CEP128: variants seen among roughly 807,000 people sequenced by gnomAD.
CEP128 encodes the protein centrosomal protein 128kDa.
In CEP128, 132 loss-of-function variants were observed where a neutral mutation model predicts 156.7. The ratio of observed to expected loss-of-function variants is 0.84; its 90% CI spans 0.73 to 0.97. The LOEUF (loss-of-function observed/expected upper bound fraction) is 0.97, where lower values mean the gene tolerates loss of function less well. CEP128 is among the 50% of genes least tolerant of loss of function. The probability of loss-of-function intolerance (pLI) is 0.00; values close to 1 mark genes in which losing one functional copy is unlikely to be tolerated. For synonymous variants in CEP128, 469 were observed against 448.9 expected (o/e 1.04, Z -0.57); for missense variants, 1,252 against 1,281.9 (o/e 0.98, Z 0.36).
intron 19 of CEP128, among the ~76,000 whole-genome samples, chr14:80,707,300 C>A (rs1362312108): frequency 6.6e-6 from 1 of 152,108 alleles, no homozygotes; most frequent in Admixed American, 6.6e-5. Context: ...GTTAAATTTT[C>A]AGAGACCTTG....
At chr14:80,873,596 T>C (rs1490585342) in intron 8 of CEP128, among the ~76,000 whole-genome samples, 1 of 152,158 alleles carries the variant, frequency 6.6e-6, no homozygotes, top group African/African-American at 2.4e-5. Context: ...GATATGACCA[T>C]GGCTCACTCA....
At chr14:80,807,212 G>T (rs926615570) in intron 13 of CEP128, among the ~76,000 whole-genome samples, 3 of 151,986 alleles carry the variant, frequency 2.0e-5, no homozygotes, top group Non-Finnish European at 2.9e-5. Context: ...AGTAAAATCA[G>T]GGTACTTTCT....
chr14:80,861,476 C>T (rs1365187137), intron 9 of CEP128, among the ~76,000 whole-genome samples: 2 of 152,008 alleles, frequency 1.3e-5, no homozygotes, highest in Admixed American at 1.3e-4. Context: ...TGATATGATA[C>T]TATGGGAAGG....
At chr14:80,844,026 T>C (rs1288393701) in intron 9 of CEP128, among the ~76,000 whole-genome samples, 2 of 152,076 alleles carry the variant, frequency 1.3e-5, no homozygotes, top group Admixed American at 1.3e-4. Context: ...TTTTGTCATG[T>C]TCTTTGAATT....
chr14:80,727,184 C>T (rs1898051922), intron 19 of CEP128, among the ~76,000 whole-genome samples: 2 of 151,976 alleles, frequency 1.3e-5, no homozygotes, highest in African/African-American at 4.8e-5. Flanking sequence ...CGACCTTATA[C>T]CACGACTTAA....
intron 8 of CEP128, among the ~76,000 whole-genome samples, chr14:80,864,169 G>T (rs1291715822): frequency 4.6e-5 from 7 of 152,042 alleles, no homozygotes; most frequent in Admixed American, 4.6e-4. Flanking sequence ...TTTATTATAA[G>T]AATACAATAT....
chr14:80,888,166 C>T (rs1888902642), intron 8 of CEP128, among the ~76,000 whole-genome samples: 1 of 152,084 alleles, frequency 6.6e-6, no homozygotes, highest in African/African-American at 2.4e-5. Flanking sequence ...AAGCCCAGGA[C>T]CAGACCGATT....
At chr14:80,944,063 AAAAT>A (rs1312315987), upstream of CEP128, among the ~76,000 whole-genome samples, 1 of 152,198 alleles carries the variant, frequency 6.6e-6, no homozygotes, top group African/African-American at 2.4e-5. Context: ...CAAAATAGAC[AAAAT>A]GAGTTAAAGC....
chr14:80,734,172 A>C (rs1441220968), intron 19 of CEP128, among the ~76,000 whole-genome samples: 1 of 152,204 alleles, frequency 6.6e-6, no homozygotes, highest in African/African-American at 2.4e-5. Flanking sequence ...CTCTTAGAGC[A>C]TAATCTATAC....
intron 19 of CEP128, among the ~76,000 whole-genome samples, chr14:80,587,253 TAA>T: frequency 6.6e-6 from 1 of 152,266 alleles, no homozygotes; most frequent in South Asian, 2.1e-4. Flanking sequence ...CGCAATGAGT[TAA>T]GAGTTTTCTC....
intron 19 of CEP128, among the ~76,000 whole-genome samples, chr14:80,691,327 G>C (rs1243051982): frequency 1.3e-5 from 2 of 152,154 alleles, no homozygotes; most frequent in African/African-American, 2.4e-5. Context: ...TAATGATGTG[G>C]TGATGGGGGG....
intron 23 of CEP128, among the ~76,000 whole-genome samples, chr14:80,523,635 T>C (rs1331949647): frequency 6.6e-6 from 1 of 152,210 alleles, no homozygotes; most frequent in Admixed American, 6.5e-5. Flanking sequence ...GCAGATATTT[T>C]TGTTTCATTT....
rs144543497 is a variant in CEP128 at position 80,748,042 on chromosome 14, TGTTA to T, written c.2614-4779_2614-4776del. 2.9e-3 allele frequency among the ~76,000 whole-genome samples: 447 copies of T among 152,334 alleles called. 2 individuals carry two copies. Among genetic ancestry groups the T allele is most frequent in the African/African-American group, 1.0e-2 (415 of 41,576 alleles). On this transcript the variant is annotated intron_variant, in intron 18 of 24. Transcript: ENST00000555265. ...TATATGAATTATATCTCAATTAAGC[TGTTA>T]GTTAAACGGTAGAGAGTAAGTCAAG...
chr14:80,872,948 T>G lies in CEP128; in HGVS notation c.646-10075A>C, dbSNP rs548344093. ...GACATTTTTTTCTTAATCAGGACTA[T>G]ACACACCCATAAGAAATTTGAGATG... On this transcript the variant is annotated intron_variant, in intron 8 of 24. Coordinates refer to ENST00000555265, the MANE Select transcript of CEP128 (RefSeq NM_152446.5). Among the ~76,000 whole-genome samples, 19 of 152,190 alleles carry G rather than the reference T, an allele frequency of 1.2e-4. 1 individual carries two copies. Among genetic ancestry groups the G allele is most frequent in the Non-Finnish European group, 1.8e-4 (12 of 68,028 alleles).
intron 21 of CEP128, among the ~76,000 whole-genome samples, chr14:80,542,039 G>A (rs972932689): frequency 3.9e-5 from 6 of 152,138 alleles, no homozygotes; most frequent in African/African-American, 7.2e-5. Flanking sequence ...CTTGGCATGC[G>A]GTAAGCACTC....
chr14:80,573,162 T>G (rs1414151234), intron 20 of CEP128, among the ~76,000 whole-genome samples: 2 of 151,754 alleles, frequency 1.3e-5, no homozygotes, highest in African/African-American at 4.8e-5. Context: ...TGACCTCAGG[T>G]GATCCACCCA....
At chr14:80,873,406 T>C (rs1888124826) in intron 8 of CEP128, among the ~76,000 whole-genome samples, 1 of 152,238 alleles carries the variant, frequency 6.6e-6, no homozygotes, top group Non-Finnish European at 1.5e-5. Flanking sequence ...ACTAGTTTTA[T>C]TTGCTATGTG....
rs1884892552 is a variant in CEP128 at position 80,921,973 on chromosome 14, AAATTCC to A, written c.-15-5417_-15-5412del. ...CGAGACTCCATCCCAAAAAAAAAAA[AAATTCC>A]TACATTTCATGAATTTTCTACAATG... is the stretch of plus-strand genomic sequence containing the variant. On this transcript the variant is annotated intron_variant, in intron 2 of 24. Coordinates refer to ENST00000555265, the MANE Select transcript of CEP128 (RefSeq NM_152446.5). 2.0e-5 allele frequency among the ~76,000 whole-genome samples: 3 copies of A among 152,138 alleles called. 1 individual carries two copies. The highest frequency in any genetic ancestry group is 1.3e-4 in the Admixed American group (2 of 15,280).
intron 9 of CEP128, among the ~76,000 whole-genome samples, chr14:80,841,021 C>T (rs1886326079): frequency 6.6e-6 from 1 of 151,946 alleles, no homozygotes; most frequent in Non-Finnish European, 1.5e-5. Context: ...TTTAGAGGGC[C>T]TAGATAGCTA....
Sources: gnomAD v4.1 joint callset for allele counts (sites outside exome capture counted in the v4.1 genomes callset) on GRCh38, gnomAD v4.1.1 for gene constraint, MANE v1.5 for transcripts, NCBI Gene and HGNC (gene_info 2026-07-23, HGNC 2026-07-21) for gene names.